Variants in DIAPH2 observed in about 807,000 individuals in gnomAD.
DIAPH2 encodes the protein protein diaphanous homolog 2.
A neutral mutation model predicts 92.7 loss-of-function variants in DIAPH2; 35 were observed. The observed-to-expected ratio is 0.38, with a 90% CI of 0.29 to 0.50. DIAPH2 has a LOEUF of 0.50. Among genes scored for constraint, DIAPH2 ranks in the 20% least tolerant of loss-of-function variants. The pLI is 0.94. For missense variants in DIAPH2, 701 were observed against 819.5 expected (o/e 0.86, Z 1.77); for synonymous variants, 301 against 280.4 (o/e 1.07, Z -0.73).
intron 4 of DIAPH2, among the ~76,000 whole-genome samples, chrX:96,810,477 A>G (rs1343450385): frequency 9.0e-6 from 1 of 111,049 alleles, no homozygotes; most frequent in Non-Finnish European, 1.9e-5. Context: ...TTGCCTGTTC[A>G]CTCTGATGGG....
chrX:97,040,439 G>T (rs187865413), intron 17 of DIAPH2, among the ~76,000 whole-genome samples: 126 of 110,597 alleles, frequency 1.1e-3, no homozygotes, highest in African/African-American at 3.7e-3. Context: ...CTTTTCCAGT[G>T]ATTTGAGACT....
intron 23 of DIAPH2, among the ~76,000 whole-genome samples, chrX:97,323,343 G>C (rs2068917284): frequency 9.6e-6 from 1 of 104,183 alleles, no homozygotes; most frequent in Non-Finnish European, 2.0e-5. Context: ...TGTAATCCCA[G>C]CACTTTGGGA....
At chrX:96,799,057 GT>G (rs72361356) in intron 4 of DIAPH2, among the ~76,000 whole-genome samples, 16,991 of 100,937 alleles carry the variant, frequency 0.17, 1,203 homozygotes, top group East Asian at 0.32. Context: ...ATCTGGAACT[GT>G]TTTTTTTTTT....
chrX:97,155,162 T>G (rs937703661), intron 22 of DIAPH2, among the ~76,000 whole-genome samples: 2 of 112,195 alleles, frequency 1.8e-5, no homozygotes, highest in African/African-American at 6.5e-5. Context: ...CTTCTCTATA[T>G]AAATTATTGA....
chrX:97,560,724 C>T (rs1457268643), intron 26 of DIAPH2, among the ~76,000 whole-genome samples: 1 of 112,445 alleles, frequency 8.9e-6, no homozygotes, highest in Non-Finnish European at 1.9e-5. Context: ...AACTCCTGAC[C>T]TCAGGTGATC....
chrX:96,947,126 G>A (rs1315825865), intron 14 of DIAPH2, among the ~76,000 whole-genome samples: 2 of 111,760 alleles, frequency 1.8e-5, no homozygotes, highest in African/African-American at 6.5e-5. Flanking sequence ...GGACTTGTAA[G>A]AAGACCTCTT....
intron 23 of DIAPH2, among the ~76,000 whole-genome samples, chrX:97,347,577 C>G (rs2069170053): frequency 9.0e-6 from 1 of 110,892 alleles, no homozygotes; most frequent in Non-Finnish European, 1.9e-5. Context: ...AACAAATGTT[C>G]CGTGTGGCTA....
At chrX:97,229,259 G>C (rs1171871433) in intron 22 of DIAPH2, among the ~76,000 whole-genome samples, 1 of 111,868 alleles carries the variant, frequency 8.9e-6, no homozygotes, top group Non-Finnish European at 1.9e-5. Context: ...GACTTCAAAT[G>C]TAATTGAAGG....
intron 23 of DIAPH2, among the ~76,000 whole-genome samples, chrX:97,337,660 C>T (rs758791449): frequency 2.7e-5 from 3 of 110,732 alleles, no homozygotes; most frequent in African/African-American, 3.3e-5. Context: ...AATACATGGA[C>T]GTAACCCCAC....
At chrX:96,881,464 A>T in intron 4 of DIAPH2, 115 bp from the exon 5 acceptor site, 1 of 565,995 alleles carries the variant, frequency 1.8e-6, no homozygotes. Context: ...AAGAATTTTT[A>T]AGTGTGTAGC....
chrX:97,033,510 T>C (rs1383827159), intron 17 of DIAPH2, among the ~76,000 whole-genome samples: 1 of 111,913 alleles, frequency 8.9e-6, no homozygotes, highest in African/African-American at 3.2e-5. Flanking sequence ...TAGCTTACTT[T>C]AGCTAAATAG....
chrX:97,418,027 C>A (rs901650357), intron 25 of DIAPH2, among the ~76,000 whole-genome samples: 2 of 111,723 alleles, frequency 1.8e-5, no homozygotes, highest in Non-Finnish European at 3.8e-5. Flanking sequence ...CAAGGAGCAT[C>A]TGTAGCATGG....
intron 22 of DIAPH2, among the ~76,000 whole-genome samples, chrX:97,213,465 C>A (rs995067067): frequency 9.0e-6 from 1 of 111,608 alleles, no homozygotes; most frequent in African/African-American, 3.3e-5. Flanking sequence ...TCAAGACAAA[C>A]AACTAAGCCA....
chrX:96,785,497 T>G (rs928520810), intron 4 of DIAPH2, among the ~76,000 whole-genome samples: 3 of 89,555 alleles, frequency 3.3e-5, no homozygotes, highest in African/African-American at 8.2e-5. Flanking sequence ...TTTTTTTTTT[T>G]GGAGACAGAG....
chrX:96,779,009 T>C (rs1602500040), intron 4 of DIAPH2, among the ~76,000 whole-genome samples: 1 of 112,447 alleles, frequency 8.9e-6, no homozygotes, highest in African/African-American at 3.2e-5. Context: ...TTTGAGATCA[T>C]GTAAATAACC....
At chrX:97,045,011 T>G (rs1353114258) in intron 17 of DIAPH2, among the ~76,000 whole-genome samples, 1 of 111,868 alleles carries the variant, frequency 8.9e-6, no homozygotes, top group South Asian at 3.7e-4. Flanking sequence ...TAAAGGAAAC[T>G]ATGATATTGG....
chrX:96,751,436 C>CGTG (rs2064186748), intron 3 of DIAPH2, among the ~76,000 whole-genome samples: 1 of 103,077 alleles, frequency 9.7e-6, no homozygotes, highest in South Asian at 4.9e-4. Flanking sequence ...ATTAGCCGAG[C>CGTG]GTGGTGGTGG....
At chrX:97,076,596 C>A (rs1443921080) in intron 19 of DIAPH2, among the ~76,000 whole-genome samples, 2 of 111,586 alleles carry the variant, frequency 1.8e-5, no homozygotes, top group African/African-American at 6.5e-5. Context: ...TATGCTATAA[C>A]TTTAACAATT....
intron 22 of DIAPH2, among the ~76,000 whole-genome samples, chrX:97,182,117 C>T (rs2067545298): frequency 9.0e-6 from 1 of 110,982 alleles, no homozygotes; most frequent in Non-Finnish European, 1.9e-5. Context: ...ATGTAATCCC[C>T]TTGATGAGAT....
Sources: allele counts gnomAD v4.1 joint callset (sites outside exome capture counted in the v4.1 genomes callset), GRCh38; gene constraint gnomAD v4.1.1; transcripts MANE v1.5; gene names NCBI Gene and HGNC (gene_info 2026-07-23, HGNC 2026-07-21).